ZC3H12B: variants seen among roughly 807,000 people sequenced by gnomAD.
The protein encoded by ZC3H12B is zinc finger CCCH-type containing 12B.
In ZC3H12B, 7 loss-of-function variants were observed where a neutral mutation model predicts 43.9. The observed-to-expected ratio is 0.16, with a 90% CI of 0.09 to 0.30. ZC3H12B has a LOEUF of 0.30. Ranked by LOEUF, ZC3H12B falls within the 10% of genes least tolerant of loss-of-function variation. The pLI is 1.00. For synonymous variants in ZC3H12B, 222 were observed against 241.7 expected (o/e 0.92, Z 0.76); for missense variants, 475 against 670.2 (o/e 0.71, Z 3.22).
the ZC3H12B span, among the ~76,000 whole-genome samples, chrX:65,312,621 T>TA: frequency 9.0e-6 from 1 of 111,605 alleles, no homozygotes; most frequent in Admixed American, 9.5e-5. Context: ...CTAGGTAGTT[T>TA]ATAAGGAACA....
the ZC3H12B span, among the ~76,000 whole-genome samples, chrX:65,148,262 C>T: frequency 1.1e-4 from 12 of 111,001 alleles, no homozygotes; most frequent in Non-Finnish European, 7.6e-5. Flanking sequence ...AAATCTTGGA[C>T]GGGCCTGGAG....
At chrX:65,301,223 T>C in the ZC3H12B span, among the ~76,000 whole-genome samples, 5 of 111,663 alleles carry the variant, frequency 4.5e-5, no homozygotes, top group South Asian at 1.9e-3. Flanking sequence ...GCAACACTTT[T>C]ACACTGCTGG....
the ZC3H12B span, among the ~76,000 whole-genome samples, chrX:65,297,189 G>C: frequency 9.0e-6 from 1 of 111,090 alleles, no homozygotes; most frequent in Non-Finnish European, 1.9e-5. Flanking sequence ...ATCTAAATTA[G>C]TAAAGAGAAA....
the ZC3H12B span, among the ~76,000 whole-genome samples, chrX:65,072,995 G>A: frequency 2.7e-5 from 3 of 112,449 alleles, no homozygotes; most frequent in East Asian, 5.6e-4. Flanking sequence ...GGCCTCTCAG[G>A]GTGGCAGAGT....
At chrX:65,175,754 G>T in the ZC3H12B span, among the ~76,000 whole-genome samples, 5 of 112,162 alleles carry the variant, frequency 4.5e-5, no homozygotes, top group Non-Finnish European at 9.4e-5. Context: ...ATGAAGCACG[G>T]TGGGGCGTTG....
chrX:65,469,042 C>T (rs1179052965), intron 3 of ZC3H12B: 1 of 110,833 alleles, frequency 9.0e-6, no homozygotes, highest in Non-Finnish European at 1.9e-5. Flanking sequence ...CTTCATACAA[C>T]CAGCTGTTTG....
At chrX:65,274,776 A>G in the ZC3H12B span, among the ~76,000 whole-genome samples, 2 of 110,882 alleles carry the variant, frequency 1.8e-5, no homozygotes, top group African/African-American at 3.3e-5. Context: ...TGTGCCCCCA[A>G]TAAGGGCCTG....
intron 2 of ZC3H12B, among the ~76,000 whole-genome samples, chrX:65,387,803 G>T (rs1173893181): frequency 5.3e-5 from 6 of 112,429 alleles, no homozygotes; most frequent in African/African-American, 1.9e-4. Flanking sequence ...CATGTTTATT[G>T]CTTCCTTCAG....
At chrX:65,332,134 T>C in the ZC3H12B span, among the ~76,000 whole-genome samples, 1 of 110,929 alleles carries the variant, frequency 9.0e-6, no homozygotes, top group Admixed American at 9.6e-5. Flanking sequence ...CTGGTTCGAA[T>C]ACCTCTTACA....
At chrX:65,383,810 C>T (rs1457244992) in intron 2 of ZC3H12B, among the ~76,000 whole-genome samples, 1 of 110,998 alleles carries the variant, frequency 9.0e-6, no homozygotes, top group Non-Finnish European at 1.9e-5. Context: ...AAATCAAAAC[C>T]ACAATGAGAC....
the ZC3H12B span, among the ~76,000 whole-genome samples, chrX:65,299,423 A>G: frequency 1.5e-4 from 17 of 112,200 alleles, no homozygotes; most frequent in Non-Finnish European, 3.0e-4. Flanking sequence ...TATATAAAAA[A>G]TAATTATTTA....
At chrX:65,199,853 A>G in the ZC3H12B span, among the ~76,000 whole-genome samples, 1 of 107,607 alleles carries the variant, frequency 9.3e-6, no homozygotes, top group South Asian at 4.1e-4. Context: ...TCTATCATTG[A>G]TGGACATTTA....
chrX:65,351,700 A>G, the ZC3H12B span, among the ~76,000 whole-genome samples: 1 of 112,884 alleles, frequency 8.9e-6, no homozygotes, highest in African/African-American at 3.2e-5. Flanking sequence ...TATGCAGCTA[A>G]CAGACGTATG....
chrX:65,414,584 G>T (rs189688968), intron 3 of ZC3H12B, among the ~76,000 whole-genome samples: 1 of 111,403 alleles, frequency 9.0e-6, no homozygotes, highest in Non-Finnish European at 1.9e-5. Flanking sequence ...GTGGTTTCTT[G>T]GTTGGTCATT....
At chrX:65,160,871 C>T in the ZC3H12B span, among the ~76,000 whole-genome samples, 5 of 111,154 alleles carry the variant, frequency 4.5e-5, no homozygotes, top group Admixed American at 9.6e-5. Context: ...AATTTTGGAT[C>T]GTTCCTGCTT....
At chrX:65,298,324 A>T in the ZC3H12B span, among the ~76,000 whole-genome samples, 8 of 112,009 alleles carry the variant, frequency 7.1e-5, no homozygotes, top group Admixed American at 6.6e-4. Context: ...CATCAAGAGA[A>T]TTTAAAAAAT....
the ZC3H12B span, among the ~76,000 whole-genome samples, chrX:65,227,657 G>T: frequency 1.8e-5 from 2 of 111,324 alleles, no homozygotes; most frequent in Non-Finnish European, 3.8e-5. Flanking sequence ...AAGAAGAAAA[G>T]AGAGAAGAAT....
chrX:65,432,177 T>C (rs927186396), intron 3 of ZC3H12B, among the ~76,000 whole-genome samples: 1 of 111,687 alleles, frequency 9.0e-6, no homozygotes, highest in Admixed American at 9.5e-5. Context: ...ATATGCCACT[T>C]CCATTTTATG....
At chrX:65,335,840 G>C in the ZC3H12B span, among the ~76,000 whole-genome samples, 1 of 112,161 alleles carries the variant, frequency 8.9e-6, no homozygotes. Context: ...CTGGATGGCA[G>C]AGACCAAGGG....
Sources: allele counts gnomAD v4.1 joint callset (sites outside exome capture counted in the v4.1 genomes callset), GRCh38; gene constraint gnomAD v4.1.1; transcripts MANE v1.5; gene names NCBI Gene and HGNC (gene_info 2026-07-23, HGNC 2026-07-21).